The following ZDHHC17 variants were observed in gnomAD, a reference collection of about 807,000 sequenced individuals.
ZDHHC17 encodes palmitoyltransferase ZDHHC17.
ZDHHC17 carries 40 observed loss-of-function variants against 90.3 expected under a neutral mutation model. That is an observed-to-expected ratio of 0.44 (90% CI 0.34 to 0.58). ZDHHC17 has a LOEUF of 0.58. Ranked by LOEUF, ZDHHC17 falls within the 20% of genes least tolerant of loss-of-function variation. The probability of loss-of-function intolerance (pLI) is 0.01; values close to 1 mark genes in which losing one functional copy is unlikely to be tolerated. For missense variants in ZDHHC17, 614 were observed against 780.8 expected (o/e 0.79, Z 2.55); for synonymous variants, 235 against 252.4 (o/e 0.93, Z 0.65).
intron 1 of ZDHHC17, among the ~76,000 whole-genome samples, chr12:76,785,992 ATAATAT>A (rs1431926518): frequency 2.0e-5 from 3 of 152,206 alleles, no homozygotes; most frequent in African/African-American, 4.8e-5. Flanking sequence ...ACCATTTGTG[ATAATAT>A]TAATACAGAG....
intron 10 of ZDHHC17, 105 bp from the exon 11 acceptor site, chr12:76,841,877 A>AT (rs1953439621): frequency 3.5e-6 from 3 of 848,034 alleles, no homozygotes; most frequent in South Asian, 5.1e-5. Flanking sequence ...AACAGTTTGT[A>AT]TTTTTTTGAC....
chr12:76,797,648 A>C, intron 2 of ZDHHC17, 111 bp downstream of exon 2: 1 of 819,666 alleles, frequency 1.2e-6, no homozygotes, highest in Non-Finnish European at 1.7e-6. Context: ...CTCAATTAAA[A>C]AATTAGTTTA....
chr12:76,844,780 A>G (rs1447770515), intron 12 of ZDHHC17: 2 of 152,150 alleles, frequency 1.3e-5, no homozygotes, highest in African/African-American at 2.4e-5. Flanking sequence ...ATGCAAACTA[A>G]TGGAGAAATG....
chr12:76,848,178 A>G (rs1164179732), intron 14 of ZDHHC17, 55 bp from the exon 15 acceptor site: 5 of 1,591,124 alleles, frequency 3.1e-6, no homozygotes, highest in African/African-American at 2.7e-5. Flanking sequence ...AAATGCCTAT[A>G]TGAGGTGCTT....
At chr12:76,839,205 A>G (rs550266901) in intron 10 of ZDHHC17, among the ~76,000 whole-genome samples, 2 of 152,338 alleles carry the variant, frequency 1.3e-5, no homozygotes, top group South Asian at 2.1e-4. Flanking sequence ...GATTCAACAT[A>G]TGCATTGTGA....
At chr12:76,805,520 C>T (rs1952945559) in intron 3 of ZDHHC17, 81 bp downstream of exon 3, 2 of 1,160,312 alleles carry the variant, frequency 1.7e-6, no homozygotes, top group Non-Finnish European at 2.4e-6. Context: ...GTTATAAAAA[C>T]TAATACTTTC....
At chr12:76,838,833 A>G (rs1033645445) in intron 10 of ZDHHC17, among the ~76,000 whole-genome samples, 1 of 152,108 alleles carries the variant, frequency 6.6e-6, no homozygotes. Flanking sequence ...TTTTTCTCCA[A>G]TTGAGTGGGA....
chr12:76,802,678 T>G (rs1487771445), intron 2 of ZDHHC17, among the ~76,000 whole-genome samples: 2 of 152,234 alleles, frequency 1.3e-5, no homozygotes, highest in East Asian at 1.9e-4. Flanking sequence ...TCTTCATGTT[T>G]GCTGATTCCT....
At chr12:76,786,233 G>A (rs1449728864) in intron 1 of ZDHHC17, among the ~76,000 whole-genome samples, 1 of 151,736 alleles carries the variant, frequency 6.6e-6, no homozygotes, top group Non-Finnish European at 1.5e-5. Flanking sequence ...CTCCTGAGTT[G>A]CTGGGATTAC....
intron 10 of ZDHHC17, among the ~76,000 whole-genome samples, chr12:76,837,853 A>G (rs78920157): frequency 0.05 from 7,620 of 152,018 alleles, 245 homozygotes; most frequent in Non-Finnish European, 0.08. Context: ...AGGTCTCACT[A>G]TGTTGGCCAG....
chr12:76,796,089 T>C (rs1199399195), intron 1 of ZDHHC17, among the ~76,000 whole-genome samples: 2 of 152,194 alleles, frequency 1.3e-5, no homozygotes, highest in African/African-American at 4.8e-5. Flanking sequence ...ACAAATTAGT[T>C]TTAGAACTTT....
chr12:76,834,209 A>T (rs923222937), intron 10 of ZDHHC17, among the ~76,000 whole-genome samples: 2 of 152,162 alleles, frequency 1.3e-5, no homozygotes, highest in Admixed American at 6.6e-5. Context: ...ATTTATTTTT[A>T]AAAATTTTTT....
intron 10 of ZDHHC17, among the ~76,000 whole-genome samples, chr12:76,832,058 A>G (rs1953308978): frequency 1.3e-5 from 2 of 152,262 alleles, no homozygotes; most frequent in Admixed American, 6.5e-5. Context: ...TTCATGTTAT[A>G]GAAGAGCTGT....
intron 1 of ZDHHC17, among the ~76,000 whole-genome samples, chr12:76,785,609 G>A (rs1473536006): frequency 1.3e-5 from 2 of 152,132 alleles, no homozygotes; most frequent in African/African-American, 4.8e-5. Flanking sequence ...TATTTGCATA[G>A]CATGGGCACA....
intron 1 of ZDHHC17, among the ~76,000 whole-genome samples, chr12:76,774,966 C>T (rs954581710): frequency 2.0e-5 from 3 of 152,168 alleles, no homozygotes; most frequent in African/African-American, 7.2e-5. Flanking sequence ...GCTGGGACTG[C>T]AAGTGCACAC....
At chr12:76,823,655 A>G (rs867900300) in intron 8 of ZDHHC17, among the ~76,000 whole-genome samples, 5 of 152,292 alleles carry the variant, frequency 3.3e-5, no homozygotes, top group Middle Eastern at 3.4e-3. Context: ...GTTAATATTG[A>G]TCTATCTGTT....
chr12:76,794,646 C>G lies in ZDHHC17; in HGVS notation c.94-2788C>G, dbSNP rs116025664. Among the ~76,000 whole-genome samples the G allele has an allele frequency of 3.2e-3, 492 of 152,052 alleles. 1 individual carries two copies. The highest frequency in any genetic ancestry group is 0.011 in the African/African-American group (469 of 41,464). Reference sequence around the variant, plus strand: ...AAACAACCTTATCGGAGGCACAAAACAGATACTTACATAGGTTAATTTTAA... The same window carrying G: ...AAACAACCTTATCGGAGGCACAAAAGAGATACTTACATAGGTTAATTTTAA... On this transcript the variant is annotated intron_variant, in intron 1 of 16. Coordinates refer to ENST00000426126, the MANE Select transcript of ZDHHC17 (RefSeq NM_015336.4).
intron 1 of ZDHHC17, among the ~76,000 whole-genome samples, chr12:76,796,342 C>T (rs2137744338): frequency 1.3e-5 from 2 of 152,070 alleles, no homozygotes; most frequent in South Asian, 4.1e-4. Flanking sequence ...TGAACAAACT[C>T]AGTTTTTCAG....
intron 2 of ZDHHC17, among the ~76,000 whole-genome samples, chr12:76,803,158 T>G (rs550221302): frequency 6.6e-6 from 1 of 151,980 alleles, no homozygotes; most frequent in East Asian, 1.9e-4. Context: ...GAGGCTGAGG[T>G]GGGAGGATTG....
Sources: gnomAD v4.1 joint callset for allele counts (sites outside exome capture counted in the v4.1 genomes callset) on GRCh38, gnomAD v4.1.1 for gene constraint, MANE v1.5 for transcripts, NCBI Gene and HGNC (gene_info 2026-07-23, HGNC 2026-07-21) for gene names.